The following MICAL2 variants were observed in gnomAD, a reference collection of about 807,000 sequenced individuals.
MICAL2 encodes the protein [F-actin]-monooxygenase MICAL2.
A neutral mutation model predicts 127.3 loss-of-function variants in MICAL2; 77 were observed. The observed-to-expected ratio is 0.60, with a 90% CI of 0.50 to 0.73. The LOEUF (loss-of-function observed/expected upper bound fraction) is 0.73. MICAL2 is among the 30% of genes least tolerant of loss of function. The pLI, the probability that MICAL2 is intolerant of heterozygous loss-of-function variation, is 0.00. For synonymous variants in MICAL2, 570 were observed against 551.1 expected, an observed-to-expected ratio of 1.03 and a Z score of -0.48; for missense variants, 1,351 against 1,434.4, an observed-to-expected ratio of 0.94 and a Z score of 0.94.
chr11:12,190,550 A>G (rs58425621), intron 3 of MICAL2, among the ~76,000 whole-genome samples: 65,914 of 152,050 alleles, frequency 0.43, 15,021 homozygotes, highest in Middle Eastern at 0.59. Flanking sequence ...CCCTGACCCC[A>G]AAACTTGTGC....
At chr11:12,241,342 A>T (rs961903019) in intron 18 of MICAL2, among the ~76,000 whole-genome samples, 180 bp downstream of exon 18, 1 of 152,158 alleles carries the variant, frequency 6.6e-6, no homozygotes, top group African/African-American at 2.4e-5. Context: ...CACAAAATAC[A>T]TTTTATTGAT....
chr11:12,280,964 G>A (rs1169092646), exon 2 of MICAL2: 3 of 398,974 alleles, frequency 7.5e-6, no homozygotes, highest in African/African-American at 2.1e-5. Context: ...TGGTGGCAGC[G>A]AGGGCTCCCA....
chr11:12,184,246 T>C (rs901291), intron 3 of MICAL2, among the ~76,000 whole-genome samples: 61,847 of 152,114 alleles, frequency 0.41, 12,976 homozygotes, highest in African/African-American at 0.48. Flanking sequence ...TGATTACCTT[T>C]GTCATGATTA....
intron 29 of MICAL2, among the ~76,000 whole-genome samples, chr11:12,314,645 A>ATTTTTT (rs545442574): frequency 0.72 from 88,120 of 122,820 alleles, 32,602 homozygotes; most frequent in Non-Finnish European, 0.77. Flanking sequence ...TGCCCAGCTA[A>ATTTTTT]TTTTTTTTTT....
At position 12,150,270 on chromosome 11, in the gene MICAL2, G is replaced by C. The variant is rs113342330; in HGVS notation, c.-77-11809G>C. On this transcript the variant is annotated intron_variant, in intron 2 of 27. Coordinates refer to ENST00000683283, the MANE Select transcript of MICAL2 (RefSeq NM_001282663.2). ...ATCAGAGAAACAAAAATAAACTTTTGTTGAGCACTGAACTTTTTCTAAGCG... is the reference window on the plus strand; with the variant it reads ...ATCAGAGAAACAAAAATAAACTTTTCTTGAGCACTGAACTTTTTCTAAGCG... 3.6e-3 allele frequency among the ~76,000 whole-genome samples: 551 copies of C among 152,260 alleles called. 8 individuals carry two copies. The highest frequency in any genetic ancestry group is 0.013 in the African/African-American group (522 of 41,552).
intron 24 of MICAL2, among the ~76,000 whole-genome samples, chr11:12,258,020 G>A (rs548047491): frequency 3.3e-5 from 5 of 152,276 alleles, no homozygotes; most frequent in South Asian, 2.1e-4. Flanking sequence ...CCTGGCAACC[G>A]GTCTTATGAA....
At chr11:12,168,071 C>G (rs763595510) in intron 3 of MICAL2, among the ~76,000 whole-genome samples, 3 of 151,728 alleles carry the variant, frequency 2.0e-5, no homozygotes, top group Non-Finnish European at 4.4e-5. Context: ...GGAGGCTAAG[C>G]TGGGAGGAAT....
At chr11:12,257,572 C>T (rs1862490242) in intron 24 of MICAL2, among the ~76,000 whole-genome samples, 1 of 152,178 alleles carries the variant, frequency 6.6e-6, no homozygotes, top group Non-Finnish European at 1.5e-5. Flanking sequence ...AATTAAACTG[C>T]CTGGGTTCCA....
At chr11:12,323,025 G>T (rs1458623033) in intron 30 of MICAL2, among the ~76,000 whole-genome samples, 1 of 152,138 alleles carries the variant, frequency 6.6e-6, no homozygotes, top group Non-Finnish European at 1.5e-5. Flanking sequence ...GCTGGGATTG[G>T]ATGCCAGCTT....
intron 15 of MICAL2, among the ~76,000 whole-genome samples, chr11:12,231,100 C>A (rs1210818313): frequency 6.6e-6 from 1 of 152,198 alleles, no homozygotes; most frequent in Non-Finnish European, 1.5e-5. Flanking sequence ...TGTGCATGGG[C>A]ACACACACAG....
At chr11:12,335,478 T>C (rs553279333) in intron 32 of MICAL2, among the ~76,000 whole-genome samples, 172 of 152,242 alleles carry the variant, frequency 1.1e-3, no homozygotes, top group Non-Finnish European at 1.9e-3. Context: ...TTTGTCAATT[T>C]TGGCTTTTGT....
At chr11:12,278,369 A>G (rs1203609177) in intron 1 of MICAL2, among the ~76,000 whole-genome samples, 3 of 152,100 alleles carry the variant, frequency 2.0e-5, no homozygotes, top group Non-Finnish European at 2.9e-5. Context: ...GACTGGCAGC[A>G]CTGTAGGTTT....
chr11:12,237,018 T>C (rs1205569547), intron 16 of MICAL2, among the ~76,000 whole-genome samples: 5 of 152,206 alleles, frequency 3.3e-5, no homozygotes, highest in African/African-American at 4.8e-5. Context: ...AGGGACTTTT[T>C]CTACTGTTTA....
intron 20 of MICAL2, chr11:12,243,074 G>T (rs1860204822): frequency 1.3e-5 from 3 of 238,928 alleles, no homozygotes; most frequent in Non-Finnish European, 1.6e-5. Context: ...TTCCAAGCAG[G>T]CTCTGAGCTT....
intron 1 of MICAL2, among the ~76,000 whole-genome samples, chr11:12,277,273 G>T (rs757778720): frequency 6.6e-6 from 1 of 152,022 alleles, no homozygotes; most frequent in South Asian, 2.1e-4. Context: ...AGGCATCCAA[G>T]ATCTCCTGAG....
Position 12,241,041 on chromosome 11 carries a change from A to T in MICAL2, c.2216A>T (p.Glu739Val), listed in dbSNP as rs767779883. The change falls in exon 18 of 28, where the codon GAA becomes GTA. Residue 739 changes from glutamate to valine, a missense_variant and splice_region_variant. Around this residue, in one of 2 missense-constraint regions of MICAL2, gnomAD observed 752 missense variants for 719.4 expected, o/e 1.05. Coordinates refer to ENST00000683283, the MANE Select transcript of MICAL2 (RefSeq NM_001282663.2). ...TTGGACTCGCCTTTCTTCTCCCAGG[A>T]ACGCCGTGTCTCAGGGATAGGTAAG... ...STRNPSLMKQ[E>V]RRVSGIGKPV... 5 of 1,613,534 alleles carry T rather than the reference A, an allele frequency of 3.1e-6. No individual in the cohort carries two copies. Among genetic ancestry groups the T allele is most frequent in the Non-Finnish European group, 4.2e-6 (5 of 1,179,788 alleles).
intron 33 of MICAL2, among the ~76,000 whole-genome samples, chr11:12,351,121 A>G (rs577298473): frequency 6.6e-6 from 1 of 152,324 alleles, no homozygotes; most frequent in African/African-American, 2.4e-5. Context: ...CCTTAACTTA[A>G]TTGCATCTGC....
At chr11:12,216,810 T>C (rs1161178137) in intron 8 of MICAL2, among the ~76,000 whole-genome samples, 1 of 152,086 alleles carries the variant, frequency 6.6e-6, no homozygotes, top group Non-Finnish European at 1.5e-5. Context: ...GTGGGCAAAC[T>C]GTGTATCCTT....
At chr11:12,323,859 A>G (rs567790111) in intron 30 of MICAL2, 2 of 1,128,062 alleles carry the variant, frequency 1.8e-6, no homozygotes, top group Non-Finnish European at 2.5e-6. Flanking sequence ...TCGTTATTTT[A>G]GAAGGTAAGC....
Sources: gnomAD v4.1 joint callset for allele counts (sites outside exome capture counted in the v4.1 genomes callset) on GRCh38, gnomAD v4.1.1 for gene constraint, gnomAD v4.1.1 regional missense constraint, MANE v1.5 for transcripts, NCBI Gene and HGNC (gene_info 2026-07-23, HGNC 2026-07-21) for gene names.